The following AP3S1 variants were observed in gnomAD, a reference collection of about 807,000 sequenced individuals.
AP3S1 encodes the protein adaptor related protein complex 3 subunit sigma 1, also known as AP-3 complex subunit sigma-1.
AP3S1 carries 12 observed loss-of-function variants against 21.3 expected under a neutral mutation model. That is an observed-to-expected ratio of 0.56 (90% confidence interval 0.36 to 0.91). The LOEUF is 0.91. AP3S1 is among the 40% of genes least tolerant of loss of function. AP3S1 has a pLI of 0.01. For missense variants in AP3S1, 116 were observed against 225.0 expected (o/e 0.52, Z 3.10); for synonymous variants, 48 against 78.4 (o/e 0.61, Z 2.05).
chr5:115,844,275 A>G (rs958530445), intron 1 of AP3S1, among the ~76,000 whole-genome samples: 11 of 152,164 alleles, frequency 7.2e-5, no homozygotes, highest in African/African-American at 2.7e-4. Context: ...AGATGAACAG[A>G]TAACTTTCGC....
chr5:115,902,833 C>T (rs1751326589), intron 4 of AP3S1, 52 bp from the exon 5 acceptor site: 25 of 1,315,448 alleles, frequency 1.9e-5, no homozygotes, highest in Non-Finnish European at 2.5e-5. Context: ...AATCATGAAA[C>T]TTCTTTTTAG....
At chr5:115,874,188 G>A (rs1748510376) in intron 3 of AP3S1, among the ~76,000 whole-genome samples, 1 of 151,740 alleles carries the variant, frequency 6.6e-6, no homozygotes, top group South Asian at 2.1e-4. Context: ...TTGTAAGTTT[G>A]GAAAAAAGGG....
chr5:115,890,183 G>A (rs965117351), intron 3 of AP3S1, among the ~76,000 whole-genome samples: 4 of 152,126 alleles, frequency 2.6e-5, no homozygotes, highest in African/African-American at 9.7e-5. Context: ...GTATATATAT[G>A]TTCACTAAAA....
chr5:115,874,819 G>C (rs1293539147), intron 3 of AP3S1, among the ~76,000 whole-genome samples: 1 of 144,980 alleles, frequency 6.9e-6, no homozygotes, highest in African/African-American at 2.5e-5. Context: ...ACAGACAAGA[G>C]GTTGTTAGAA....
chr5:115,873,716 C>G (rs756000850), intron 3 of AP3S1, among the ~76,000 whole-genome samples: 4 of 152,110 alleles, frequency 2.6e-5, no homozygotes, highest in Non-Finnish European at 5.9e-5. Flanking sequence ...AATAGCTATT[C>G]AGAGAGAACT....
At chr5:115,876,472 A>G (rs950433834) in intron 3 of AP3S1, among the ~76,000 whole-genome samples, 2 of 152,196 alleles carry the variant, frequency 1.3e-5, no homozygotes, top group African/African-American at 4.8e-5. Flanking sequence ...GTTGGTTTTC[A>G]GGAAGGAATT....
At chr5:115,897,031 G>A (rs1174758134) in intron 4 of AP3S1, among the ~76,000 whole-genome samples, 1 of 152,042 alleles carries the variant, frequency 6.6e-6, no homozygotes, top group Non-Finnish European at 1.5e-5. Flanking sequence ...GACACAAAAT[G>A]TTTTTAAAAC....
At chr5:115,892,768 A>G (rs536219894) in intron 3 of AP3S1, among the ~76,000 whole-genome samples, 1 of 152,346 alleles carries the variant, frequency 6.6e-6, no homozygotes, top group African/African-American at 2.4e-5. Context: ...GGGTGATTAT[A>G]GTCAATAATC....
intron 1 of AP3S1, among the ~76,000 whole-genome samples, chr5:115,862,867 T>C (rs1344034422): frequency 2.0e-5 from 3 of 152,238 alleles, no homozygotes; most frequent in African/African-American, 7.2e-5. Flanking sequence ...ATCATGACGC[T>C]ACAAGAAAAA....
At chr5:115,873,890 T>A (rs928922408) in intron 3 of AP3S1, among the ~76,000 whole-genome samples, 2 of 152,166 alleles carry the variant, frequency 1.3e-5, no homozygotes, top group African/African-American at 4.8e-5. Context: ...CTATTAAACC[T>A]ATGCTTATAA....
At chr5:115,891,843 G>A (rs1234429564) in intron 3 of AP3S1, among the ~76,000 whole-genome samples, 1 of 152,174 alleles carries the variant, frequency 6.6e-6, no homozygotes, top group Non-Finnish European at 1.5e-5. Flanking sequence ...CCACAGGGTT[G>A]GAGCTGCCCA....
At chr5:115,862,463 G>A (rs367991861) in intron 1 of AP3S1, among the ~76,000 whole-genome samples, 11 of 152,078 alleles carry the variant, frequency 7.2e-5, no homozygotes, top group Admixed American at 2.6e-4. Context: ...ATGCAAACAC[G>A]TAGAGACTGG....
intron 3 of AP3S1, among the ~76,000 whole-genome samples, chr5:115,892,396 G>A (rs762336403): frequency 6.6e-5 from 10 of 152,140 alleles, no homozygotes; most frequent in Non-Finnish European, 1.3e-4. Flanking sequence ...TCCAAGATTT[G>A]GAAGCAACCT....
At chr5:115,861,897 C>T (rs1202803631) in intron 1 of AP3S1, among the ~76,000 whole-genome samples, 8 of 124,016 alleles carry the variant, frequency 6.5e-5, no homozygotes, top group Admixed American at 1.9e-4. Flanking sequence ...GATGGGGTCT[C>T]GCTATGTTGC....
chr5:115,890,376 A>T (rs776305645), intron 3 of AP3S1, among the ~76,000 whole-genome samples: 37 of 152,198 alleles, frequency 2.4e-4, no homozygotes, highest in Non-Finnish European at 5.0e-4. Context: ...AAAAAATAAC[A>T]ATGAATAAAA....
At chr5:115,845,836 CAAAAAAAAAAAAAAAAAA>C (rs755171274) in intron 1 of AP3S1, among the ~76,000 whole-genome samples, 17 of 34,452 alleles carry the variant, frequency 4.9e-4, no homozygotes, top group East Asian at 3.1e-3. Context: ...GACTCCATCT[CAAAAAAAAAAAAAAAAAA>C]AAAAAAAAAA....
At chr5:115,874,467 C>T (rs1284683933) in intron 3 of AP3S1, among the ~76,000 whole-genome samples, 17 of 151,878 alleles carry the variant, frequency 1.1e-4, no homozygotes, top group Non-Finnish European at 1.0e-4. Context: ...TGGATAATTC[C>T]AAATCTCTGT....
intron 5 of AP3S1, among the ~76,000 whole-genome samples, chr5:115,911,930 G>A (rs1468115162): frequency 6.6e-6 from 1 of 151,808 alleles, no homozygotes; most frequent in Non-Finnish European, 1.5e-5. Flanking sequence ...CTATTTAATT[G>A]GGTATGGAGT....
At chr5:115,906,604 T>A (rs1440108598) in intron 5 of AP3S1, among the ~76,000 whole-genome samples, 1 of 151,192 alleles carries the variant, frequency 6.6e-6, no homozygotes, top group Non-Finnish European at 1.5e-5. Flanking sequence ...GGGGGAAGTA[T>A]AAGAGGCACT....
Sources: gnomAD v4.1 joint callset for allele counts (sites outside exome capture counted in the v4.1 genomes callset) on GRCh38, gnomAD v4.1.1 for gene constraint, MANE v1.5 for transcripts, NCBI Gene and HGNC (gene_info 2026-07-23, HGNC 2026-07-21) for gene names.